The following ABCG2 variants were observed in gnomAD, a reference collection of about 807,000 sequenced individuals.
ABCG2 encodes broad substrate specificity ATP-binding cassette transporter ABCG2.
ABCG2 carries 80 observed loss-of-function variants against 73.5 expected under a neutral mutation model. That is an observed-to-expected ratio of 1.09 (90% confidence interval 0.91 to 1.31). The LOEUF (loss-of-function observed/expected upper bound fraction) is 1.31. ABCG2 is among the 50% of genes most tolerant of loss of function. ABCG2 has a pLI of 0.00. For missense variants in ABCG2, 796 were observed against 786.2 expected, an observed-to-expected ratio of 1.01 and a Z score of -0.15; for synonymous variants, 269 against 282.4, an observed-to-expected ratio of 0.95 and a Z score of 0.48.
At chr4:88,149,164 C>T (rs1726267482) in intron 1 of ABCG2, among the ~76,000 whole-genome samples, 1 of 152,034 alleles carries the variant, frequency 6.6e-6, no homozygotes, top group South Asian at 2.1e-4. Context: ...TGCAGTGAGT[C>T]AAGATCACGC....
At chr4:88,152,353 C>A (rs1726551324) in intron 1 of ABCG2, among the ~76,000 whole-genome samples, 1 of 152,152 alleles carries the variant, frequency 6.6e-6, no homozygotes, top group Non-Finnish European at 1.5e-5. Flanking sequence ...GAAGAGACCA[C>A]CAAACAGGCT....
chr4:88,132,952 T>C (rs1016698863), intron 2 of ABCG2, among the ~76,000 whole-genome samples: 4 of 152,142 alleles, frequency 2.6e-5, no homozygotes, highest in African/African-American at 7.2e-5. Flanking sequence ...TAATATATAA[T>C]GGATGTTAAT....
At chr4:88,164,232 A>T (rs1419145983), upstream of ABCG2, among the ~76,000 whole-genome samples, 1 of 152,010 alleles carries the variant, frequency 6.6e-6, no homozygotes, top group Non-Finnish European at 1.5e-5. Context: ...ATGCCTGGTA[A>T]TTTTTGTATT....
At chr4:88,218,245 T>C (rs1273713339) in intron 1 of ABCG2, among the ~76,000 whole-genome samples, 3 of 152,198 alleles carry the variant, frequency 2.0e-5, no homozygotes, top group Non-Finnish European at 2.9e-5. Context: ...TGATTACTTC[T>C]TACTATGCAT....
intron 1 of ABCG2, among the ~76,000 whole-genome samples, chr4:88,144,184 C>T (rs1725818848): frequency 6.6e-6 from 1 of 152,188 alleles, no homozygotes; most frequent in African/African-American, 2.4e-5. Flanking sequence ...TTCTTTTTCT[C>T]TTTCTGTGTC....
At chr4:88,140,084 C>T (rs1260496344) in intron 1 of ABCG2, 70 bp from the exon 2 acceptor site, 9 of 1,284,076 alleles carry the variant, frequency 7.0e-6, no homozygotes, top group Non-Finnish European at 9.8e-6. Flanking sequence ...GGTGACAATA[C>T]ATTTAAAACA....
intron 1 of ABCG2, among the ~76,000 whole-genome samples, chr4:88,156,043 G>A (rs1726913715): frequency 6.6e-6 from 1 of 152,024 alleles, no homozygotes; most frequent in Admixed American, 6.6e-5. Context: ...AAATAAGCCT[G>A]AGCATTCTCT....
chr4:88,174,678 CA>C (rs1403107701), intron 1 of ABCG2, among the ~76,000 whole-genome samples: 1 of 152,198 alleles, frequency 6.6e-6, no homozygotes, highest in Admixed American at 6.5e-5. Context: ...AGGCGTGAGC[CA>C]CCATGCCCAG....
At position 88,118,177 on chromosome 4, in the gene ABCG2, AAGGTGAGGCTATCAAACAACTTGAAG is replaced by A; in HGVS notation, c.747_772del (p.Phe250IlefsTer20). On this transcript the variant is annotated frameshift_variant, in exon 7 of 16. Transcript: ENST00000237612. LOFTEE classifies it high-confidence loss of function. ...GAACATAAGTCTTCCTGAGGCCAAT[AAGGTGAGGCTATCAAACAACTTGAAG>A]ATGGAATATCGAGGCTGATGAATGG... 1 of 1,614,174 alleles carries A rather than the reference AAGGTGAGGCTATCAAACAACTTGAAG, an allele frequency of 6.2e-7. No individual in the cohort carries two copies. The highest frequency in any genetic ancestry group is 8.5e-7 in the Non-Finnish European group (1 of 1,180,000).
chr4:88,206,654 C>T (rs1343908287), intron 1 of ABCG2: 1 of 152,130 alleles, frequency 6.6e-6, no homozygotes, highest in Non-Finnish European at 1.5e-5. Flanking sequence ...ATGCCGTTCC[C>T]CGTTGTCATA....
intron 1 of ABCG2, among the ~76,000 whole-genome samples, chr4:88,179,842 C>T (rs1487310001): frequency 1.3e-5 from 2 of 152,004 alleles, no homozygotes; most frequent in African/African-American, 4.8e-5. Flanking sequence ...AGGGAAATAA[C>T]GAGTGAGCTT....
At chr4:88,122,988 G>C (rs1724117099) in intron 5 of ABCG2, among the ~76,000 whole-genome samples, 1 of 152,154 alleles carries the variant, frequency 6.6e-6, no homozygotes, top group Non-Finnish European at 1.5e-5. Flanking sequence ...CAATCTTTGG[G>C]GTATCTTTGC....
chr4:88,098,565 G>A (rs1722145250), intron 12 of ABCG2, among the ~76,000 whole-genome samples: 1 of 150,250 alleles, frequency 6.7e-6, no homozygotes, highest in African/African-American at 2.4e-5. Flanking sequence ...ATCTCTAAGA[G>A]ATTAAATATA....
chr4:88,202,515 G>A (rs1349837410), intron 1 of ABCG2, among the ~76,000 whole-genome samples: 6 of 151,366 alleles, frequency 4.0e-5, no homozygotes, highest in African/African-American at 9.7e-5. Flanking sequence ...AAAGGAGAAA[G>A]GGGAAACAGA....
At chr4:88,197,716 G>T (rs1295973553) in intron 1 of ABCG2, among the ~76,000 whole-genome samples, 5 of 152,016 alleles carry the variant, frequency 3.3e-5, no homozygotes, top group Admixed American at 3.3e-4. Flanking sequence ...GAGGCAGGTG[G>T]ATCAGTCGGG....
At chr4:88,118,854 A>G (rs952729091) in intron 6 of ABCG2, among the ~76,000 whole-genome samples, 8 of 152,152 alleles carry the variant, frequency 5.3e-5, no homozygotes, top group African/African-American at 1.9e-4. Context: ...CTCATTTTAT[A>G]AATATGTCTT....
chr4:88,175,453 AAAGAG>A (rs1727921781), intron 1 of ABCG2, among the ~76,000 whole-genome samples: 1 of 152,234 alleles, frequency 6.6e-6, no homozygotes, highest in Non-Finnish European at 1.5e-5. Context: ...AATTTTATTT[AAAGAG>A]AACACTTCAT....
intron 1 of ABCG2, among the ~76,000 whole-genome samples, chr4:88,173,649 G>A (rs186196479): frequency 2.0e-5 from 3 of 152,176 alleles, no homozygotes; most frequent in African/African-American, 7.2e-5. Context: ...TTTAGTGGAA[G>A]TGCCAGGGAT....
In ABCG2 at chr4:88,186,042, A is replaced by C. The variant is rs1210778895; in HGVS notation, c.-20+44952T>G. ...CCCCAAAAAAGGAAATCAGTATGACACAGAGATATCTGCACTCCTATGTTT... is the reference window on the plus strand; with the variant it reads ...CCCCAAAAAAGGAAATCAGTATGACCCAGAGATATCTGCACTCCTATGTTT... On this transcript the variant is annotated intron_variant, in intron 1 of 15. Transcript: ENST00000515655. Among the ~76,000 whole-genome samples the C allele has an allele frequency of 4.6e-5, 7 of 152,212 alleles. No homozygotes were observed. In the East Asian group the frequency reaches 9.6e-4, roughly 21 times the overall value.
Sources: gnomAD v4.1 joint callset for allele counts (sites outside exome capture counted in the v4.1 genomes callset) on GRCh38, gnomAD v4.1.1 for gene constraint, MANE v1.5 for transcripts, NCBI Gene and HGNC (gene_info 2026-07-23, HGNC 2026-07-21) for gene names.